GRM1: variants seen among roughly 807,000 people sequenced by gnomAD.
GRM1 encodes the protein metabotropic glutamate receptor 1.
A neutral mutation model predicts 90.9 loss-of-function variants in GRM1; 33 were observed. The observed-to-expected ratio is 0.36, with a 90% CI of 0.28 to 0.49. The LOEUF (loss-of-function observed/expected upper bound fraction) is 0.49, where lower values mean the gene tolerates loss of function less well. Ranked by LOEUF, GRM1 falls within the 20% of genes least tolerant of loss-of-function variation. The pLI, the probability that GRM1 is intolerant of heterozygous loss-of-function variation, is 0.99. For synonymous variants in GRM1, 700 were observed against 613.2 expected, an observed-to-expected ratio of 1.14 and a Z score of -2.09; for missense variants, 1,190 against 1,534.3, an observed-to-expected ratio of 0.78 and a Z score of 3.75.
intron 5 of GRM1, among the ~76,000 whole-genome samples, chr6:146,377,581 T>G (rs1776151333): frequency 6.6e-6 from 1 of 152,130 alleles, no homozygotes; most frequent in Non-Finnish European, 1.5e-5. Flanking sequence ...TTTGGAAGAT[T>G]TGCAGCCTGA....
chr6:146,250,267 G>T (rs978281540), intron 2 of GRM1, among the ~76,000 whole-genome samples: 3 of 152,158 alleles, frequency 2.0e-5, no homozygotes, highest in Non-Finnish European at 1.5e-5. Context: ...GGAAGGGCCA[G>T]GGGTAGAATA....
At chr6:146,193,295 G>A (rs1255354855) in intron 2 of GRM1, among the ~76,000 whole-genome samples, 1 of 152,122 alleles carries the variant, frequency 6.6e-6, no homozygotes. Context: ...CATGTGTCTG[G>A]ATGAGATCAT....
intron 1 of GRM1, among the ~76,000 whole-genome samples, chr6:146,153,996 C>T (rs1297005083): frequency 1.3e-5 from 2 of 152,154 alleles, no homozygotes; most frequent in Non-Finnish European, 2.9e-5. Context: ...CAATAAGCTT[C>T]GTGCCCATTG....
At chr6:146,058,380 C>A (rs1408072903) in intron 1 of GRM1, among the ~76,000 whole-genome samples, 1 of 152,114 alleles carries the variant, frequency 6.6e-6, no homozygotes, top group African/African-American at 2.4e-5. Context: ...TATGTTTACA[C>A]TATACTATAA....
At chr6:146,198,315 T>A (rs1270487211) in intron 2 of GRM1, among the ~76,000 whole-genome samples, 1 of 152,188 alleles carries the variant, frequency 6.6e-6, no homozygotes, top group Non-Finnish European at 1.5e-5. Flanking sequence ...AAGAGCTAGT[T>A]CAGAGAATGA....
chr6:146,209,646 G>A (rs111660951), intron 2 of GRM1, among the ~76,000 whole-genome samples: 30 of 152,208 alleles, frequency 2.0e-4, no homozygotes, highest in African/African-American at 6.7e-4. Flanking sequence ...GGGATGGAAG[G>A]GTATATTTCA....
At chr6:146,051,851 T>C (rs1217744395) in intron 1 of GRM1, among the ~76,000 whole-genome samples, 2 of 152,104 alleles carry the variant, frequency 1.3e-5, no homozygotes, top group African/African-American at 4.8e-5. Context: ...TTGGTTTATA[T>C]AAACTAATGG....
At chr6:146,322,893 G>A (rs1032215975) in intron 3 of GRM1, among the ~76,000 whole-genome samples, 2 of 151,934 alleles carry the variant, frequency 1.3e-5, no homozygotes, top group African/African-American at 2.4e-5. Context: ...GAGAATGATG[G>A]TTTCTAGATT....
chr6:146,094,673 T>C (rs1320106425), intron 1 of GRM1, among the ~76,000 whole-genome samples: 1 of 152,100 alleles, frequency 6.6e-6, no homozygotes, highest in African/African-American at 2.4e-5. Context: ...TTATTCTAAA[T>C]GGCAAAGACT....
At chr6:146,354,552 C>G (rs1785518039) in intron 4 of GRM1, among the ~76,000 whole-genome samples, 2 of 152,108 alleles carry the variant, frequency 1.3e-5, no homozygotes. Context: ...GTTACTTAAG[C>G]TTTCCCCTGG....
intron 2 of GRM1, among the ~76,000 whole-genome samples, chr6:146,176,865 A>T (rs1024463621): frequency 6.6e-6 from 1 of 152,082 alleles, no homozygotes; most frequent in Non-Finnish European, 1.5e-5. Context: ...CTAACTCCAG[A>T]TTCCCCATTC....
intron 4 of GRM1, among the ~76,000 whole-genome samples, chr6:146,356,023 T>A (rs1205533357): frequency 6.6e-6 from 1 of 152,158 alleles, no homozygotes; most frequent in East Asian, 1.9e-4. Flanking sequence ...CATGCAGCTT[T>A]GGGAAACTGC....
At chr6:146,334,960 T>C (rs929935847) in intron 3 of GRM1, among the ~76,000 whole-genome samples, 6 of 152,246 alleles carry the variant, frequency 3.9e-5, no homozygotes, top group African/African-American at 1.4e-4. Flanking sequence ...TTTCTCTTTA[T>C]TGGATTTTTT....
chr6:146,137,747 A>G (rs1210982301), intron 1 of GRM1, among the ~76,000 whole-genome samples: 2 of 152,182 alleles, frequency 1.3e-5, no homozygotes, highest in Non-Finnish European at 2.9e-5. Flanking sequence ...TGCTTTGGGT[A>G]TATGAACATT....
chr6:146,360,995 G>A (rs1260010181), intron 5 of GRM1, among the ~76,000 whole-genome samples: 1 of 152,202 alleles, frequency 6.6e-6, no homozygotes, highest in Non-Finnish European at 1.5e-5. Flanking sequence ...GATGGGAGAG[G>A]AATGAAAGTG....
intron 1 of GRM1, among the ~76,000 whole-genome samples, chr6:146,129,439 A>G (rs1776310850): frequency 1.3e-5 from 2 of 152,154 alleles, no homozygotes; most frequent in South Asian, 4.1e-4. Flanking sequence ...ATTATACCAC[A>G]CAATACCACA....
At chr6:146,151,325 TAA>T (rs940862606) in intron 1 of GRM1, among the ~76,000 whole-genome samples, 5 of 152,226 alleles carry the variant, frequency 3.3e-5, no homozygotes, top group Admixed American at 3.3e-4. Flanking sequence ...TACTGATGTG[TAA>T]ATATGCAGGA....
rs190139345 is a variant in GRM1 at position 146,142,365 on chromosome 6, C to T, written c.701-16983C>T. 2.0e-5 allele frequency among the ~76,000 whole-genome samples: 3 copies of T among 152,302 alleles called. No individual in the cohort carries two copies. The East Asian group carries it at 5.8e-4, about 29-fold the overall frequency. On this transcript the variant is annotated intron_variant, in intron 1 of 7. Coordinates refer to ENST00000282753, the MANE Select transcript of GRM1 (RefSeq NM_001278064.2). ...TGCTGGGTCAGACCTGAAGCTAGCA[C>T]AGCAGTGTGGAACTCACACAAGACC... is the stretch of plus-strand genomic sequence containing the variant.
intron 2 of GRM1, among the ~76,000 whole-genome samples, chr6:146,239,599 A>G (rs1212363190): frequency 6.6e-6 from 1 of 152,144 alleles, no homozygotes; most frequent in South Asian, 2.1e-4. Context: ...CTACAAAAAT[A>G]TTTTCTTACT....
Sources: gnomAD v4.1 joint callset for allele counts (sites outside exome capture counted in the v4.1 genomes callset) on GRCh38, gnomAD v4.1.1 for gene constraint, MANE v1.5 for transcripts, NCBI Gene and HGNC (gene_info 2026-07-23, HGNC 2026-07-21) for gene names.